The following ATF7IP variants were observed in gnomAD, a reference collection of about 807,000 sequenced individuals.
ATF7IP encodes the protein activating transcription factor 7-interacting protein 1.
A neutral mutation model predicts 106.4 loss-of-function variants in ATF7IP; 23 were observed. The ratio of observed to expected loss-of-function variants is 0.22; its 90% CI spans 0.16 to 0.31. ATF7IP has a LOEUF of 0.31. ATF7IP is among the 10% of genes least tolerant of loss of function. The pLI is 1.00. For missense variants in ATF7IP, 1,334 were observed against 1,524.3 expected, an observed-to-expected ratio of 0.88 and a Z score of 2.08; for synonymous variants, 542 against 539.0, an observed-to-expected ratio of 1.01 and a Z score of -0.08.
chr12:14,407,734 TTAAGA>T (rs1304723163), intron 1 of ATF7IP, among the ~76,000 whole-genome samples: 1 of 151,906 alleles, frequency 6.6e-6, no homozygotes, highest in Non-Finnish European at 1.5e-5. Flanking sequence ...TGACACAATC[TTAAGA>T]TAATTTGTTT....
chr12:14,466,706 C>G (rs142668637), intron 10 of ATF7IP, 116 bp downstream of exon 10: 9 of 782,660 alleles, frequency 1.1e-5, no homozygotes, highest in East Asian at 2.7e-5. Flanking sequence ...TTATAACTAT[C>G]CAAACATTGT....
chr12:14,401,590 T>A (rs1032738378), intron 1 of ATF7IP, among the ~76,000 whole-genome samples: 2 of 152,116 alleles, frequency 1.3e-5, no homozygotes, highest in East Asian at 1.9e-4. Context: ...ACTCTTTTTT[T>A]TTTTGTACTT....
At chr12:14,468,319 C>T (rs888894149) in intron 10 of ATF7IP, among the ~76,000 whole-genome samples, 9 of 145,616 alleles carry the variant, frequency 6.2e-5, no homozygotes, top group Non-Finnish European at 1.4e-4. Flanking sequence ...ATCATAAATA[C>T]ATAAGTGAAA....
chr12:14,445,389 C>A (rs1942910327), intron 5 of ATF7IP, among the ~76,000 whole-genome samples: 1 of 150,472 alleles, frequency 6.6e-6, no homozygotes, highest in Non-Finnish European at 1.5e-5. Context: ...CTTTTTCTTT[C>A]TTTCTTTTTT....
chr12:14,481,145 T>C lies in ATF7IP; in HGVS notation c.3240T>C (p.Val1080=), dbSNP rs773045592. 1 of 1,614,050 alleles carries C rather than the reference T, an allele frequency of 6.2e-7. No individual in the cohort carries two copies. Among genetic ancestry groups the C allele is most frequent in the Admixed American group, 1.7e-5 (1 of 60,022 alleles). Residue 1080 remains valine, a synonymous_variant, in exon 13 of 15, where the codon GTT becomes GTC. Transcript: ENST00000261168. ...CTCAGGCTCCCTTGCGAGGAACTGT[T>C]ATGCAGGCTCCTGCTGTTCGGCAGG... ...PPAQAPLRGT[V]MQAPAVRQVN... is the part of the protein sequence containing the mutation.
rs563553647 is a variant in ATF7IP at position 14,441,744 on chromosome 12, C to T, written c.1929+3477C>T. Among the ~76,000 whole-genome samples, 755 of 152,268 alleles carry T rather than the reference C, an allele frequency of 5.0e-3. 4 individuals are homozygous for T. Among genetic ancestry groups the T allele is most frequent in the Non-Finnish European group, 6.8e-3 (462 of 68,030 alleles). Reference sequence around the variant, plus strand: ...GACCTCATGATCTGCCCACCTCGGCCTCCCAAAGTGCTGGGATTACAGGCG... The same window carrying T: ...GACCTCATGATCTGCCCACCTCGGCTTCCCAAAGTGCTGGGATTACAGGCG... On this transcript the variant is annotated intron_variant, in intron 5 of 14. Transcript: ENST00000261168.
intron 13 of ATF7IP, chr12:14,482,035 T>C (rs1266065551): frequency 6.6e-6 from 1 of 152,230 alleles, no homozygotes; most frequent in Non-Finnish European, 1.5e-5. Flanking sequence ...ATATAAAAGG[T>C]ATATTTAAAC....
rs1427930607 is a variant in ATF7IP at position 14,496,470 on chromosome 12, G to T, written c.3393+127G>T. 13 of 609,794 alleles carry T rather than the reference G, an allele frequency of 2.1e-5. No individual in the cohort carries two copies. In the Admixed American group the frequency reaches 3.7e-4, roughly 17 times the overall value. 37.8% of individuals were successfully genotyped at this position (609,794 alleles called of 1,614,324 possible). On this transcript the variant is annotated intron_variant, in intron 14 of 14. Transcript: ENST00000261168. ...GTTAGGTCTTCCTGCTTTTTCAGAA[G>T]TTTATTTCTAAAAATTGATCTTACC...
chr12:14,443,532 T>G (rs1210820114), intron 5 of ATF7IP, among the ~76,000 whole-genome samples: 1 of 152,182 alleles, frequency 6.6e-6, no homozygotes, highest in African/African-American at 2.4e-5. Context: ...TCAGGATTTG[T>G]TAAAATTCAC....
intron 8 of ATF7IP, among the ~76,000 whole-genome samples, chr12:14,457,615 T>C (rs1314455655): frequency 6.6e-6 from 1 of 152,150 alleles, no homozygotes; most frequent in Non-Finnish European, 1.5e-5. Context: ...AGTATAGATA[T>C]TCAAATCTCT....
chr12:14,388,600 G>A (rs977787148), intron 1 of ATF7IP, among the ~76,000 whole-genome samples: 2 of 152,136 alleles, frequency 1.3e-5, no homozygotes, highest in Non-Finnish European at 2.9e-5. Flanking sequence ...GCCTGCCTAG[G>A]CCTCCCAAAG....
At chr12:14,489,695 T>G (rs1392911203) in intron 13 of ATF7IP, among the ~76,000 whole-genome samples, 1 of 152,144 alleles carries the variant, frequency 6.6e-6, no homozygotes, top group Non-Finnish European at 1.5e-5. Flanking sequence ...AAAAGGCCAT[T>G]CCACCGTTCT....
chr12:14,493,934 A>G (rs1223557808), intron 13 of ATF7IP, among the ~76,000 whole-genome samples: 1 of 152,010 alleles, frequency 6.6e-6, no homozygotes, highest in Non-Finnish European at 1.5e-5. Flanking sequence ...TTTCCACTGC[A>G]CTTAGGAGCA....
chr12:14,402,158 C>T (rs1194289596), intron 1 of ATF7IP, among the ~76,000 whole-genome samples: 6 of 113,690 alleles, frequency 5.3e-5, no homozygotes, highest in African/African-American at 1.7e-4. Flanking sequence ...GATAGGGTCT[C>T]GTTCTGTAGC....
At chr12:14,486,618 A>G (rs113750816) in intron 13 of ATF7IP, among the ~76,000 whole-genome samples, 7,517 of 152,252 alleles carry the variant, frequency 0.049, 633 homozygotes, top group African/African-American at 0.17. Context: ...TAGGCTTCCT[A>G]TCAGTTTCAT....
intron 13 of ATF7IP, among the ~76,000 whole-genome samples, chr12:14,484,225 G>A (rs550417493): frequency 3.8e-4 from 58 of 152,130 alleles, no homozygotes; most frequent in Non-Finnish European, 7.6e-4. Flanking sequence ...CCATGTTGCT[G>A]AGCCCAGGCA....
At chr12:14,480,069 C>A (rs1026619393) in intron 12 of ATF7IP, among the ~76,000 whole-genome samples, 1 of 152,038 alleles carries the variant, frequency 6.6e-6, no homozygotes, top group African/African-American at 2.4e-5. Flanking sequence ...AGACTCACAT[C>A]GAAAGTTAGT....
intron 13 of ATF7IP, among the ~76,000 whole-genome samples, chr12:14,484,541 C>T (rs766231309): frequency 1.3e-5 from 2 of 152,284 alleles, no homozygotes; most frequent in South Asian, 2.1e-4. Context: ...TTCCCTTCAC[C>T]GATGTCCTTC....
At chr12:14,376,260 C>T (rs1385776371) in intron 1 of ATF7IP, among the ~76,000 whole-genome samples, 4 of 152,210 alleles carry the variant, frequency 2.6e-5, no homozygotes, top group African/African-American at 9.6e-5. Flanking sequence ...CCTTTAAAAA[C>T]ATCTGCTGGA....
Sources: gnomAD v4.1 joint callset for allele counts (sites outside exome capture counted in the v4.1 genomes callset) on GRCh38, gnomAD v4.1.1 for gene constraint, MANE v1.5 for transcripts, NCBI Gene and HGNC (gene_info 2026-07-23, HGNC 2026-07-21) for gene names.